Variants in ABCA13 observed in about 807,000 individuals in gnomAD.
ABCA13 encodes ATP binding cassette subfamily A member 13, also known as ATP-binding cassette sub-family A member 13.
In ABCA13, 476 loss-of-function variants were observed where a neutral mutation model predicts 478.7. The observed-to-expected ratio is 0.99, with a 90% CI of 0.92 to 1.07. The LOEUF is 1.07. ABCA13 is among the 50% of genes least tolerant of loss of function. The pLI, the probability that ABCA13 is intolerant of heterozygous loss-of-function variation, is 0.00. For missense variants in ABCA13, 6,060 were observed against 5,910.6 expected (o/e 1.03, Z -0.83); for synonymous variants, 2,252 against 2,158.9 (o/e 1.04, Z -1.20).
intron 55 of ABCA13, among the ~76,000 whole-genome samples, chr7:48,530,750 A>AT (rs1339158388): frequency 2.0e-5 from 3 of 151,988 alleles, no homozygotes; most frequent in Non-Finnish European, 2.9e-5. Context: ...GATGTTGAGC[A>AT]TTTTTTCATA....
At chr7:48,550,206 G>C (rs1243068221) in intron 55 of ABCA13, among the ~76,000 whole-genome samples, 1 of 151,628 alleles carries the variant, frequency 6.6e-6, no homozygotes, top group Non-Finnish European at 1.5e-5. Flanking sequence ...TATTTTTATA[G>C]AAAATTCTGC....
At chr7:48,333,292 G>A (rs1459343944) in intron 27 of ABCA13, among the ~76,000 whole-genome samples, 1 of 151,992 alleles carries the variant, frequency 6.6e-6, no homozygotes, top group East Asian at 1.9e-4. Flanking sequence ...GAATCCATGT[G>A]GTTCTTTTTT....
chr7:48,520,166 C>T lies in ABCA13; in HGVS notation c.13923C>T (p.Gly4641=). The stretch of plus-strand genomic sequence containing the variant: ...AATATGACCTGACCCACAACTTCGG[C>T]ATTGATTCCTATGTGAGTCCCTTTG... ...QIKYDLTHNF[G]IDSYVSPFEM... Residue 4641 remains glycine (G), a synonymous_variant, in exon 53 of 62, where the codon GGC becomes GGT. Coordinates refer to ENST00000435803, the MANE Select transcript of ABCA13 (RefSeq NM_152701.5). The T allele has an allele frequency of 6.2e-7, 1 of 1,613,748 alleles. No homozygotes were observed. Among genetic ancestry groups the T allele is most frequent in the Middle Eastern group, 1.7e-4 (1 of 6,060 alleles).
chr7:48,175,205 T>G, intron 1 of ABCA13, among the ~76,000 whole-genome samples: 1 of 152,212 alleles, frequency 6.6e-6, no homozygotes, highest in East Asian at 1.9e-4. Context: ...GTCTAATTAA[T>G]TACTTATTTT....
chr7:48,390,412 A>T (rs1815866103), intron 37 of ABCA13, among the ~76,000 whole-genome samples: 1 of 152,222 alleles, frequency 6.6e-6, no homozygotes, highest in South Asian at 2.1e-4. Flanking sequence ...AATGTGTATA[A>T]ACTATTTTAT....
At chr7:48,359,678 GGT>G (rs1211188199) in intron 31 of ABCA13, among the ~76,000 whole-genome samples, 1 of 151,952 alleles carries the variant, frequency 6.6e-6, no homozygotes, top group Non-Finnish European at 1.5e-5. Context: ...TGTGAGAGGT[GGT>G]GGCTGGAAAT....
Position 48,353,834 on chromosome 7 carries a change from T to G in ABCA13, c.10688+1347T>G, listed in dbSNP as rs576347661. ...AACAAAAGGTCAGGAAGAAAGAGAC[T>G]AAGGCGACATTTTCACTCAGGGGCT... On this transcript the variant is annotated intron_variant, in intron 31 of 61. Coordinates refer to ENST00000435803, the MANE Select transcript of ABCA13 (RefSeq NM_152701.5). Among the ~76,000 whole-genome samples the G allele has an allele frequency of 1.8e-3, 272 of 152,098 alleles. 11 individuals are homozygous for G. The highest frequency in any genetic ancestry group is 6.3e-3 in the African/African-American group (262 of 41,374).
chr7:48,202,976 G>A (rs930499857), intron 3 of ABCA13, among the ~76,000 whole-genome samples: 1 of 152,324 alleles, frequency 6.6e-6, no homozygotes, highest in African/African-American at 2.4e-5. Flanking sequence ...GGCGCTCGTC[G>A]GGGAGGCTTG....
chr7:48,453,303 A>G (rs1825273173), intron 42 of ABCA13, among the ~76,000 whole-genome samples: 1 of 151,606 alleles, frequency 6.6e-6, no homozygotes, highest in Non-Finnish European at 1.5e-5. Flanking sequence ...TTAATCTGAT[A>G]TGCAGCCTGG....
At chr7:48,300,399 G>A (rs1293924823) in intron 23 of ABCA13, among the ~76,000 whole-genome samples, 1 of 152,266 alleles carries the variant, frequency 6.6e-6, no homozygotes, top group African/African-American at 2.4e-5. Flanking sequence ...GGGAGCCAAT[G>A]TTCTGTGGGG....
chr7:48,233,791 T>C (rs1789533781), intron 7 of ABCA13, among the ~76,000 whole-genome samples: 1 of 152,242 alleles, frequency 6.6e-6, no homozygotes. Flanking sequence ...AATTATCTTC[T>C]GGAAATGTTG....
intron 59 of ABCA13, among the ~76,000 whole-genome samples, chr7:48,635,264 T>A (rs1794543914): frequency 6.6e-6 from 1 of 150,432 alleles, no homozygotes; most frequent in Non-Finnish European, 1.5e-5. Flanking sequence ...AACAAAACAG[T>A]CCCTTTGGGG....
At chr7:48,237,339 C>T (rs954024185) in intron 8 of ABCA13, among the ~76,000 whole-genome samples, 10 of 152,056 alleles carry the variant, frequency 6.6e-5, no homozygotes, top group Admixed American at 6.5e-4. Context: ...AATCTTGTGG[C>T]CTTTTATTAG....
chr7:48,349,155 A>ATTG (rs1808552155), intron 29 of ABCA13, among the ~76,000 whole-genome samples: 1 of 152,262 alleles, frequency 6.6e-6, no homozygotes, highest in Non-Finnish European at 1.5e-5. Context: ...TGACACTCAT[A>ATTG]CAGTGACACT....
At chr7:48,449,367 G>T (rs1824710656) in intron 42 of ABCA13, among the ~76,000 whole-genome samples, 1 of 150,664 alleles carries the variant, frequency 6.6e-6, no homozygotes, top group South Asian at 2.1e-4. Context: ...TGATTTTATT[G>T]GCTCTCTACT....
intron 51 of ABCA13, 39 bp downstream of exon 51, chr7:48,511,238 T>C: frequency 6.5e-7 from 1 of 1,541,826 alleles, no homozygotes; most frequent in Non-Finnish European, 8.9e-7. Context: ...TTACGGTTTG[T>C]TTTCTGAAAG....
At chr7:48,419,090 C>G (rs1336427968) in intron 41 of ABCA13, among the ~76,000 whole-genome samples, 1 of 152,086 alleles carries the variant, frequency 6.6e-6, no homozygotes, top group South Asian at 2.1e-4. Context: ...CCAGATCTCA[C>G]AAGAACTCAC....
intron 43 of ABCA13, among the ~76,000 whole-genome samples, chr7:48,458,695 G>T (rs1157138188): frequency 1.3e-5 from 2 of 152,120 alleles, no homozygotes; most frequent in African/African-American, 4.8e-5. Flanking sequence ...GCACTAGAGA[G>T]GTTCTTTTCT....
At chr7:48,172,717 G>C (rs1794285591) in intron 1 of ABCA13, among the ~76,000 whole-genome samples, 1 of 147,414 alleles carries the variant, frequency 6.8e-6, no homozygotes, top group Non-Finnish European at 1.5e-5. Flanking sequence ...AGAATGGCGT[G>C]AACCCGGGAG....
Sources: gnomAD v4.1 joint callset for allele counts (sites outside exome capture counted in the v4.1 genomes callset) on GRCh38, gnomAD v4.1.1 for gene constraint, MANE v1.5 for transcripts, NCBI Gene and HGNC (gene_info 2026-07-23, HGNC 2026-07-21) for gene names.